Variants in EML4 observed in about 807,000 individuals in gnomAD.
The protein encoded by EML4 is echinoderm microtubule-associated protein-like 4.
In EML4, 72 loss-of-function variants were observed where a neutral mutation model predicts 129.0. That is an observed-to-expected ratio of 0.56 (90% CI 0.46 to 0.68). The LOEUF is 0.68. Among genes scored for constraint, EML4 ranks in the 30% least tolerant of loss-of-function variants. The pLI is 0.00. For missense variants in EML4, 1,363 were observed against 1,190.6 expected, an observed-to-expected ratio of 1.14 and a Z score of -2.13; for synonymous variants, 532 against 405.0, an observed-to-expected ratio of 1.31 and a Z score of -3.77.
chr2:42,271,936 C>G (rs1558561896), intron 6 of EML4, among the ~76,000 whole-genome samples: 1 of 151,956 alleles, frequency 6.6e-6, no homozygotes, highest in Admixed American at 6.6e-5. Context: ...AACCCCATCT[C>G]TACAAAAATA....
At chr2:42,280,481 G>T (rs1005153399) in intron 6 of EML4, among the ~76,000 whole-genome samples, 2 of 152,160 alleles carry the variant, frequency 1.3e-5, no homozygotes, top group African/African-American at 4.8e-5. Context: ...AAAATTGTCT[G>T]TTATACTGAA....
chr2:42,257,067 A>G (rs943340540), intron 3 of EML4, among the ~76,000 whole-genome samples: 6 of 152,166 alleles, frequency 3.9e-5, no homozygotes, highest in East Asian at 1.9e-4. Context: ...AACCATAACT[A>G]TAAAATTAAG....
At chr2:42,274,372 A>G (rs1666538262) in intron 6 of EML4, among the ~76,000 whole-genome samples, 1 of 152,222 alleles carries the variant, frequency 6.6e-6, no homozygotes, top group Admixed American at 6.5e-5. Flanking sequence ...GGTAGTACCC[A>G]TTACACAAAT....
intron 2 of EML4, among the ~76,000 whole-genome samples, chr2:42,255,376 G>A (rs767585113): frequency 1.2e-4 from 19 of 152,098 alleles, no homozygotes; most frequent in Non-Finnish European, 2.5e-4. Context: ...GAGCCACCGC[G>A]CCCAGCCAAT....
intron 1 of EML4, among the ~76,000 whole-genome samples, chr2:42,201,131 A>C (rs546078530): frequency 6.6e-6 from 1 of 152,226 alleles, no homozygotes; most frequent in Admixed American, 6.5e-5. Context: ...CTAATTTTCA[A>C]AATGTTTTTG....
intron 19 of EML4, chr2:42,319,447 A>T (rs2103802034): frequency 6.6e-6 from 1 of 152,366 alleles, no homozygotes; most frequent in South Asian, 2.1e-4. Context: ...AGGAACTGTT[A>T]AAAGTTTGCA....
At chr2:42,190,262 T>C (rs1219964223) in intron 1 of EML4, among the ~76,000 whole-genome samples, 1 of 152,160 alleles carries the variant, frequency 6.6e-6, no homozygotes, top group East Asian at 1.9e-4. Context: ...TCCCTCCCAT[T>C]CCCTCCTCCT....
rs748537313 is a variant in EML4 at position 42,256,576 on chromosome 2, A to G, written c.284A>G (p.His95Arg). 5.6e-6 allele frequency: 9 copies of G among 1,613,954 alleles called. No individual in the cohort carries two copies. The highest frequency in any genetic ancestry group is 7.6e-6 in the Non-Finnish European group (9 of 1,179,926). The change falls in exon 3 of 23, where the codon CAT becomes CGT. Residue 95 changes from histidine (H) to arginine (R), a missense_variant. Coordinates refer to ENST00000318522, the MANE Select transcript of EML4 (RefSeq NM_019063.5). ...AGTGGTGCAAACAGAAAACCAAGTC[A>G]TACCAGTGCTGTCTCAATTGCAGGA... ...NGSGANRKPSHTSAVSIAGKE... is the reference protein window; with the variant it reads ...NGSGANRKPSRTSAVSIAGKE...
chr2:42,325,596 T>TATATATATA (rs1669746848), intron 20 of EML4, 42 bp downstream of exon 20: 2 of 149,610 alleles, frequency 1.3e-5, no homozygotes, highest in Non-Finnish European at 2.5e-5. Context: ...TATGCTATGA[T>TATATATATA]TATATTTATA....
intron 19 of EML4, among the ~76,000 whole-genome samples, chr2:42,321,799 A>G (rs904377961): frequency 1.3e-5 from 2 of 152,218 alleles, no homozygotes; most frequent in African/African-American, 4.8e-5. Flanking sequence ...GCAAACGCAT[A>G]TCAAAAATGT....
At chr2:42,206,465 A>G (rs1003553789) in intron 1 of EML4, among the ~76,000 whole-genome samples, 2 of 152,140 alleles carry the variant, frequency 1.3e-5, no homozygotes, top group Admixed American at 6.5e-5. Flanking sequence ...TCCTCCTGCC[A>G]TGACCTCCCA....
chr2:42,252,308 C>G (rs142416221), intron 2 of EML4, among the ~76,000 whole-genome samples: 1 of 152,232 alleles, frequency 6.6e-6, no homozygotes, highest in East Asian at 1.9e-4. Context: ...TTGTCATGAT[C>G]AAGTGTAAAA....
chr2:42,224,825 TCA>T (rs1572576954), intron 1 of EML4, among the ~76,000 whole-genome samples: 1 of 152,258 alleles, frequency 6.6e-6, no homozygotes, highest in East Asian at 1.9e-4. Context: ...ACTTTATAGT[TCA>T]GTGTTATTAA....
At chr2:42,217,365 T>C (rs568860219) in intron 1 of EML4, among the ~76,000 whole-genome samples, 3 of 152,282 alleles carry the variant, frequency 2.0e-5, no homozygotes, top group African/African-American at 7.2e-5. Flanking sequence ...ATTGTCAAGA[T>C]TCGTTCTTCT....
chr2:42,315,166 G>T (rs1669175996), intron 17 of EML4, among the ~76,000 whole-genome samples: 1 of 152,042 alleles, frequency 6.6e-6, no homozygotes, highest in Non-Finnish European at 1.5e-5. Flanking sequence ...TGCCTAAAAT[G>T]TCTGAACATT....
intron 3 of EML4, among the ~76,000 whole-genome samples, chr2:42,258,494 G>A (rs1453436866): frequency 6.6e-6 from 1 of 152,064 alleles, no homozygotes; most frequent in Non-Finnish European, 1.5e-5. Flanking sequence ...TGCACCTCCC[G>A]TGTTCAAGAG....
At chr2:42,170,443 A>G (rs1424968738) in intron 1 of EML4, 1 of 152,222 alleles carries the variant, frequency 6.6e-6, no homozygotes, top group Non-Finnish European at 1.5e-5. Context: ...AGGATTCTCC[A>G]TTTTTGGAAG....
chr2:42,226,100 C>T (rs1673940194), intron 1 of EML4, among the ~76,000 whole-genome samples: 1 of 151,840 alleles, frequency 6.6e-6, no homozygotes, highest in Non-Finnish European at 1.5e-5. Context: ...TTGTTCATGC[C>T]GTAGACACAT....
At chr2:42,264,091 C>CA (rs1211574776) in intron 5 of EML4, among the ~76,000 whole-genome samples, 1 of 139,242 alleles carries the variant, frequency 7.2e-6, no homozygotes, top group Non-Finnish European at 1.6e-5. Flanking sequence ...GCTCCCAACT[C>CA]AAACAATACG....
Sources: gnomAD v4.1 joint callset for allele counts (sites outside exome capture counted in the v4.1 genomes callset) on GRCh38, gnomAD v4.1.1 for gene constraint, MANE v1.5 for transcripts, NCBI Gene and HGNC (gene_info 2026-07-23, HGNC 2026-07-21) for gene names.